Variants in KCNMA1 observed in about 807,000 individuals in gnomAD.
KCNMA1 encodes the protein Calcium-activated potassium channel subunit alpha-1.
A neutral mutation model predicts 140.0 loss-of-function variants in KCNMA1; 29 were observed. That is an observed-to-expected ratio of 0.21 (90% confidence interval 0.15 to 0.28). The LOEUF (loss-of-function observed/expected upper bound fraction) is 0.28, where lower values mean the gene tolerates loss of function less well. KCNMA1 is among the 10% of genes least tolerant of loss of function. The pLI, the probability that KCNMA1 is intolerant of heterozygous loss-of-function variation, is 1.00. For missense variants in KCNMA1, 880 were observed against 1,602.2 expected, an observed-to-expected ratio of 0.55 and a Z score of 7.70; for synonymous variants, 612 against 611.9, an observed-to-expected ratio of 1.00 and a Z score of 0.00.
At position 77,049,739 on chromosome 10, in the gene KCNMA1, T is replaced by C. The variant is rs75408078; in HGVS notation, c.1750-10102A>G. On this transcript the variant is annotated intron_variant, in intron 14 of 27. Coordinates refer to ENST00000286628, the MANE Select transcript of KCNMA1 (RefSeq NM_001161352.2). ...ACTTCAATAACTTCATAGCGTTTAG[T>C]GTTGGGGCATGAAATAAATCAATTC... is the stretch of plus-strand genomic sequence containing the variant. Among the ~76,000 whole-genome samples, 1,050 of 152,308 alleles carry C rather than the reference T, an allele frequency of 6.9e-3. 8 individuals are homozygous for C. Among genetic ancestry groups the C allele is most frequent in the African/African-American group, 0.024 (1,003 of 41,568 alleles).
chr10:77,332,742 A>C (rs181770963), intron 2 of KCNMA1, among the ~76,000 whole-genome samples: 2 of 152,338 alleles, frequency 1.3e-5, no homozygotes, highest in Admixed American at 6.5e-5. Flanking sequence ...ATGAGATAGG[A>C]TAGGGATTCA....
chr10:77,037,742 G>A (rs1265889999), intron 15 of KCNMA1, among the ~76,000 whole-genome samples: 1 of 152,182 alleles, frequency 6.6e-6, no homozygotes, highest in East Asian at 1.9e-4. Context: ...TATGTGCTCA[G>A]ACCACCACCA....
Position 77,634,278 on chromosome 10 carries a change from A to C in KCNMA1, c.378+2987T>G, listed in dbSNP as rs553470440. The stretch of plus-strand genomic sequence containing the variant: ...TGTGAAAAAGTACAGCAAAGAACAC[A>C]GTACTGGAATGACTGTGACCAAGTT... On this transcript the variant is annotated intron_variant, in intron 1 of 27. Coordinates refer to ENST00000286628, the MANE Select transcript of KCNMA1 (RefSeq NM_001161352.2). The C allele has an allele frequency of 5.5e-5, 54 of 985,450 alleles. No individual in the cohort carries two copies. In the East Asian group the frequency reaches 4.7e-3, roughly 85 times the overall value. 61.0% of individuals were successfully genotyped at this position (985,450 alleles called of 1,614,324 possible).
intron 1 of KCNMA1, among the ~76,000 whole-genome samples, chr10:77,586,128 G>C (rs1024480201): frequency 1.3e-5 from 2 of 152,160 alleles, no homozygotes; most frequent in Admixed American, 6.5e-5. Context: ...TCTGAAATCA[G>C]TATGTAACAC....
intron 2 of KCNMA1, among the ~76,000 whole-genome samples, chr10:77,334,129 A>C (rs1292870563): frequency 1.3e-5 from 2 of 152,164 alleles, no homozygotes; most frequent in Non-Finnish European, 2.9e-5. Context: ...TCGGACATGT[A>C]AGCACTTTAC....
At chr10:77,457,928 C>T (rs149498806) in intron 1 of KCNMA1, among the ~76,000 whole-genome samples, 13 of 152,312 alleles carry the variant, frequency 8.5e-5, no homozygotes, top group Non-Finnish European at 1.5e-4. Flanking sequence ...AAACTGTTTA[C>T]TGCCTTTTTC....
rs139802509 is a variant in KCNMA1 at position 76,924,485 on chromosome 10, T to C, written c.2903-9436A>G. Among the ~76,000 whole-genome samples, 57 of 152,312 alleles carry C rather than the reference T, an allele frequency of 3.7e-4. 1 individual carries two copies. The East Asian group carries it at 0.01, about 27-fold the overall frequency. On this transcript the variant is annotated intron_variant, in intron 23 of 27. Coordinates refer to ENST00000286628, the MANE Select transcript of KCNMA1 (RefSeq NM_001161352.2). ...TTCTAAAATAAACACATTTTATTTA[T>C]GTAATGAAAAAAATTTTTTAAATTA...
intron 4 of KCNMA1, among the ~76,000 whole-genome samples, 181 bp from the exon 5 acceptor site, chr10:77,183,713 CT>C (rs2098821501): frequency 6.6e-6 from 1 of 152,140 alleles, no homozygotes; most frequent in Non-Finnish European, 1.5e-5. Flanking sequence ...TCTCGAGCTC[CT>C]GACATCAGGT....
At chr10:77,127,071 AAC>A (rs60249347) in intron 5 of KCNMA1, among the ~76,000 whole-genome samples, 5,303 of 146,070 alleles carry the variant, frequency 0.036, 115 homozygotes, top group Non-Finnish European at 0.055. Context: ...CACACACACA[AAC>A]ACACACACAC....
intron 3 of KCNMA1, among the ~76,000 whole-genome samples, chr10:77,231,119 T>A (rs900589561): frequency 6.6e-6 from 1 of 152,186 alleles, no homozygotes; most frequent in African/African-American, 2.4e-5. Flanking sequence ...ATTATCAAAA[T>A]CCTGTGATAC....
chr10:77,272,478 T>C (rs772573576), intron 2 of KCNMA1, among the ~76,000 whole-genome samples: 7 of 152,194 alleles, frequency 4.6e-5, no homozygotes, highest in Non-Finnish European at 7.3e-5. Context: ...CCTTTGATGG[T>C]ATGTCTTGAA....
chr10:77,083,106 C>T (rs777317439), intron 12 of KCNMA1, among the ~76,000 whole-genome samples: 4 of 152,074 alleles, frequency 2.6e-5, no homozygotes, highest in Non-Finnish European at 5.9e-5. Flanking sequence ...AACCTTCGGC[C>T]CGAAAGATGG....
intron 11 of KCNMA1, 68 bp from the exon 12 acceptor site, chr10:77,084,787 C>T (rs774434129): frequency 1.1e-5 from 12 of 1,084,606 alleles, no homozygotes; most frequent in Non-Finnish European, 1.3e-5. Context: ...TGTAGTCTCT[C>T]TCTGTTGACA....
chr10:77,072,348 TGCTAGTG>T lies in KCNMA1; in HGVS notation c.1749+742_1749+748del, dbSNP rs562175230. Among the ~76,000 whole-genome samples the T allele has an allele frequency of 5.9e-5, 9 of 152,294 alleles. No individual in the cohort carries two copies. In the South Asian group the frequency reaches 1.7e-3, roughly 28 times the overall value. ...TTATCCCAGGCTCCAGAAGCCCCCT[TGCTAGTG>T]GCTGGGCGATCAATGCAAGGCTCTG... On this transcript the variant is annotated intron_variant, in intron 14 of 27. Transcript: ENST00000286628.
intron 19 of KCNMA1, among the ~76,000 whole-genome samples, chr10:76,985,882 C>A (rs1208600591): frequency 6.6e-6 from 1 of 152,024 alleles, no homozygotes. Flanking sequence ...TAACTAATGA[C>A]CATACTACTT....
At chr10:77,268,847 C>T (rs1317656538) in intron 2 of KCNMA1, among the ~76,000 whole-genome samples, 2 of 152,142 alleles carry the variant, frequency 1.3e-5, no homozygotes, top group Non-Finnish European at 2.9e-5. Context: ...GCACTGCTAC[C>T]TTAGTGCGCA....
chr10:76,926,319 G>A (rs2057679358), intron 23 of KCNMA1, among the ~76,000 whole-genome samples: 1 of 152,086 alleles, frequency 6.6e-6, no homozygotes, highest in South Asian at 2.1e-4. Flanking sequence ...GTGATCTGGG[G>A]CAATTTATTT....
intron 1 of KCNMA1, among the ~76,000 whole-genome samples, chr10:77,434,842 C>T (rs2097223983): frequency 6.6e-6 from 1 of 152,176 alleles, no homozygotes; most frequent in Non-Finnish European, 1.5e-5. Context: ...TGGATCAGTG[C>T]TTCTTAAATG....
At chr10:77,009,383 A>G (rs1342814244) in intron 18 of KCNMA1, among the ~76,000 whole-genome samples, 1 of 152,148 alleles carries the variant, frequency 6.6e-6, no homozygotes. Context: ...CTAGAGGCCA[A>G]ATCCTTATTT....
Sources: allele counts gnomAD v4.1 joint callset (sites outside exome capture counted in the v4.1 genomes callset), GRCh38; gene constraint gnomAD v4.1.1; transcripts MANE v1.5; gene names NCBI Gene and HGNC (gene_info 2026-07-23, HGNC 2026-07-21).